TMBIM4: variants seen among roughly 807,000 people sequenced by gnomAD.
TMBIM4 encodes the protein protein lifeguard 4.
Under a neutral mutation model 27.7 loss-of-function variants are expected in TMBIM4, and 28 were observed. The ratio of observed to expected loss-of-function variants is 1.01; its 90% CI spans 0.75 to 1.38. The LOEUF (loss-of-function observed/expected upper bound fraction) is 1.38, where lower values mean the gene tolerates loss of function less well. Among genes scored for constraint, TMBIM4 ranks in the 40% most tolerant of loss-of-function variants. The probability of loss-of-function intolerance (pLI) is 0.00; values close to 1 mark genes in which losing one functional copy is unlikely to be tolerated. For missense variants in TMBIM4, 265 were observed against 277.5 expected (o/e 0.95, Z 0.32); for synonymous variants, 115 against 113.1 (o/e 1.02, Z -0.11).
At chr12:66,142,689 C>T (rs2051687852) in intron 5 of TMBIM4, among the ~76,000 whole-genome samples, 1 of 145,090 alleles carries the variant, frequency 6.9e-6, no homozygotes, top group Non-Finnish European at 1.5e-5. Flanking sequence ...AGGCTGTTCA[C>T]TATTGGAAAA....
chr12:66,169,210 G>A (rs1187425445), intron 1 of TMBIM4: 2 of 694,280 alleles, frequency 2.9e-6, no homozygotes, highest in South Asian at 1.5e-5. Flanking sequence ...CTTCCACGTA[G>A]ATGAAGCTGA....
rs2136863752 is a variant in TMBIM4 at position 66,151,131 on chromosome 12, T to G, written c.312+1140A>C. ...TACTGAAACTTTCAAAGTCATCAGC[T>G]TTTCATTTTAACACAAACTCATTAT... is the stretch of plus-strand genomic sequence containing the variant. On this transcript the variant is annotated intron_variant, in intron 3 of 6. Transcript: ENST00000358230. Among the ~76,000 whole-genome samples the G allele has an allele frequency of 1.3e-5, 2 of 151,988 alleles. 1 individual carries two copies. Among genetic ancestry groups the G allele is most frequent in the East Asian group, 3.9e-4 (2 of 5,126 alleles).
chr12:66,155,335 T>TGTGAGAGAGAGAGAGAGAGAGAGAGAGA (rs141188662), intron 1 of TMBIM4, among the ~76,000 whole-genome samples: 5 of 131,598 alleles, frequency 3.8e-5, no homozygotes, highest in Non-Finnish European at 5.1e-5. Flanking sequence ...TGCACACGTG[T>TGTGAGAGAGAGAGAGAGAGAGAGAGAGA]GAGAGAGAGA....
chr12:66,151,027 T>G (rs2051836488), intron 3 of TMBIM4, among the ~76,000 whole-genome samples: 1 of 152,202 alleles, frequency 6.6e-6, no homozygotes, highest in Non-Finnish European at 1.5e-5. Flanking sequence ...AAACTCCTTG[T>G]TATTTGCAAT....
At chr12:66,164,507 A>T (rs573367738) in intron 1 of TMBIM4, among the ~76,000 whole-genome samples, 2 of 152,358 alleles carry the variant, frequency 1.3e-5, no homozygotes, top group African/African-American at 4.8e-5. Context: ...GGAACCACAG[A>T]TAAATTGGAA....
chr12:66,165,097 T>C (rs1027576720), intron 1 of TMBIM4, among the ~76,000 whole-genome samples: 1 of 152,178 alleles, frequency 6.6e-6, no homozygotes, highest in Non-Finnish European at 1.5e-5. Flanking sequence ...ACATCCATCA[T>C]TATACATTGG....
chr12:66,150,422 C>A (rs77610077), intron 3 of TMBIM4, among the ~76,000 whole-genome samples: 1 of 148,274 alleles, frequency 6.7e-6, no homozygotes, highest in Non-Finnish European at 1.5e-5. Flanking sequence ...CTCCCACCCC[C>A]CTTTCTTTTT....
rs1456903091 is a variant in TMBIM4 at position 66,136,944 on chromosome 12, C to T, written c.*1016G>A. 1 of 152,158 alleles carries T rather than the reference C, an allele frequency of 6.6e-6. No homozygotes were observed. Among genetic ancestry groups the T allele is most frequent in the Non-Finnish European group, 1.5e-5 (1 of 68,022 alleles). The allele number at this position is 152,158 out of a possible 1,614,324, so 9.4% of individuals were successfully genotyped here. ...AATGAAACCATAAGACAATACTTCC[C>T]AAATATTTTAATTTTGAAATAGATA... On this transcript the variant is annotated 3_prime_UTR_variant, in exon 7 of 7. Coordinates refer to ENST00000358230, the MANE Select transcript of TMBIM4 (RefSeq NM_016056.4).
chr12:66,148,065 G>A, intron 3 of TMBIM4, 124 bp from the exon 4 acceptor site: 1 of 816,722 alleles, frequency 1.2e-6, no homozygotes, highest in South Asian at 1.9e-5. Context: ...AAGCAGCCCT[G>A]CGAAGTATAT....
chr12:66,155,771 A>G (rs2136870453), intron 1 of TMBIM4, among the ~76,000 whole-genome samples: 1 of 152,346 alleles, frequency 6.6e-6, no homozygotes, highest in East Asian at 1.9e-4. Flanking sequence ...ACAGTTCAAA[A>G]CAATGTGCAC....
rs533360901 is a variant in TMBIM4, at chr12:66,157,214, C to T, written c.98-3766G>A. Reference sequence around the variant, plus strand: ...TAGCACCCCATTAAGAATGCATACTCAGGGAAGGCCAGCTATGTTGTGAGG... The same window carrying T: ...TAGCACCCCATTAAGAATGCATACTTAGGGAAGGCCAGCTATGTTGTGAGG... On this transcript the variant is annotated intron_variant, in intron 1 of 6. Coordinates refer to ENST00000358230, the MANE Select transcript of TMBIM4 (RefSeq NM_016056.4). Among the ~76,000 whole-genome samples the T allele has an allele frequency of 2.6e-5, 4 of 152,184 alleles. No individual in the cohort carries two copies. The South Asian group carries it at 8.3e-4, about 32-fold the overall frequency.
chr12:66,148,569 T>G (rs2051789488), intron 3 of TMBIM4, among the ~76,000 whole-genome samples: 1 of 152,170 alleles, frequency 6.6e-6, no homozygotes, highest in South Asian at 2.1e-4. Flanking sequence ...CTTCCTCTTC[T>G]CATTTGTTTG....
chr12:66,138,157 A>T lies in TMBIM4; in HGVS notation c.520T>A (p.Tyr174Asn), dbSNP rs199863727. Residue 174 changes from tyrosine to asparagine, a missense_variant, in exon 7 of 7, where the codon TAT (tyrosine) becomes AAT (asparagine). Physicochemically the swap from Tyr to Asn is moderately radical, Grantham distance 143 (BLOSUM62 -2). Coordinates refer to ENST00000358230, the MANE Select transcript of TMBIM4 (RefSeq NM_016056.4). ...AAGACCAACTCCATTATCTCACTATAAAAAAAAAACTATAGGGAAGAGATT... is the reference window on the plus strand; with the variant it reads ...AAGACCAACTCCATTATCTCACTATTAAAAAAAAACTATAGGGAAGAGATT... ...CLSGFLKFFFYSEIMELVLAA... is the reference protein window; with the variant it reads ...CLSGFLKFFFNSEIMELVLAA... 320 of 1,470,652 alleles carry T rather than the reference A, an allele frequency of 2.2e-4. No homozygotes were observed. In the African/African-American group the frequency reaches 4.0e-3, roughly 18 times the overall value. 91.1% of individuals were successfully genotyped at this position (1,470,652 alleles called of 1,614,324 possible).
intron 1 of TMBIM4, among the ~76,000 whole-genome samples, chr12:66,155,616 G>A (rs190621646): frequency 8.3e-4 from 126 of 152,200 alleles, no homozygotes; most frequent in African/African-American, 2.9e-3. Flanking sequence ...ACAGGCAGGA[G>A]CCACCGTGAC....
chr12:66,164,004 G>A (rs1198145557), intron 1 of TMBIM4, among the ~76,000 whole-genome samples: 1 of 152,238 alleles, frequency 6.6e-6, no homozygotes, highest in African/African-American at 2.4e-5. Flanking sequence ...TTCCTGGACT[G>A]TGAGGATGGT....
intron 1 of TMBIM4, among the ~76,000 whole-genome samples, chr12:66,168,335 T>C: frequency 6.6e-6 from 1 of 151,582 alleles, no homozygotes; most frequent in East Asian, 1.9e-4. Flanking sequence ...GTATCTAGAG[T>C]AGCCAAATTC....
chr12:66,147,894 C>T lies in TMBIM4; in HGVS notation c.346+14G>A. 1 of 1,607,732 alleles carries T rather than the reference C, an allele frequency of 6.2e-7. No homozygotes were observed. Among genetic ancestry groups the T allele is most frequent in the Non-Finnish European group, 8.5e-7 (1 of 1,176,376 alleles). ...AAAGTTATTATAACATATAGAAATG[C>T]AGTTACGGCTTACCAACAACTGCCA... On this transcript the variant is annotated intron_variant, in intron 4 of 6. Coordinates refer to ENST00000358230, the MANE Select transcript of TMBIM4 (RefSeq NM_016056.4).
At chr12:66,168,220 C>CAA (rs762237233) in intron 1 of TMBIM4, among the ~76,000 whole-genome samples, 2 of 79,246 alleles carry the variant, frequency 2.5e-5, no homozygotes, top group Non-Finnish European at 2.6e-5. Flanking sequence ...GACCCTGTCT[C>CAA]AAAAAAAAAA....
chr12:66,162,411 T>C (rs1474703677), intron 1 of TMBIM4, among the ~76,000 whole-genome samples: 1 of 152,244 alleles, frequency 6.6e-6, no homozygotes, highest in African/African-American at 2.4e-5. Flanking sequence ...GAGGGACAAC[T>C]GTATGCAAAC....
Sources: gnomAD v4.1 joint callset for allele counts (sites outside exome capture counted in the v4.1 genomes callset) on GRCh38, gnomAD v4.1.1 for gene constraint, MANE v1.5 for transcripts, NCBI Gene and HGNC (gene_info 2026-07-23, HGNC 2026-07-21) for gene names.